The following TRAPPC10 variants were observed in gnomAD, a reference collection of about 807,000 sequenced individuals.
TRAPPC10 encodes the protein TRAPP 130 kDa subunit.
In TRAPPC10, 23 loss-of-function variants were observed where a neutral mutation model predicts 125.5. The ratio of observed to expected loss-of-function variants is 0.18; its 90% CI spans 0.13 to 0.26. TRAPPC10 has a LOEUF of 0.26. TRAPPC10 is among the 10% of genes least tolerant of loss of function. The probability of loss-of-function intolerance (pLI) is 1.00; values close to 1 mark genes in which losing one functional copy is unlikely to be tolerated. For synonymous variants in TRAPPC10, 509 were observed against 518.0 expected (o/e 0.98, Z 0.24); for missense variants, 1,123 against 1,308.4 (o/e 0.86, Z 2.19).
rs562000779 is a variant in TRAPPC10, at chr21:44,087,277, C to G, written c.2539+317C>G. The stretch of plus-strand genomic sequence containing the variant: ...GTCCCCCTTGGGCTGGCCCTGCTCC[C>G]GAGAAGCAAAAGCAGAGCAGCCCTT... On this transcript the variant is annotated intron_variant, in intron 16 of 22. Transcript: ENST00000291574. The surrounding 1 kb of genome is among the most constrained non-coding windows in gnomAD (Gnocchi z 4.6). Among the ~76,000 whole-genome samples, 1 of 152,160 alleles carries G rather than the reference C, an allele frequency of 6.6e-6. No homozygotes were observed.
intron 2 of TRAPPC10, among the ~76,000 whole-genome samples, chr21:44,034,345 C>A (rs1332409007): frequency 1.5e-4 from 21 of 141,842 alleles, no homozygotes; most frequent in Non-Finnish European, 2.3e-4. Context: ...CCCCCCCCCA[C>A]CCCCGCCGCC....
At chr21:44,017,937 C>T (rs1436933437) in intron 1 of TRAPPC10, among the ~76,000 whole-genome samples, 7 of 152,052 alleles carry the variant, frequency 4.6e-5, no homozygotes, top group Non-Finnish European at 7.4e-5. Flanking sequence ...TGCCTCTCTG[C>T]GTAGTGTGTG....
At chr21:44,022,863 G>T (rs1436894693) in intron 1 of TRAPPC10, among the ~76,000 whole-genome samples, 1 of 151,794 alleles carries the variant, frequency 6.6e-6, no homozygotes, top group Non-Finnish European at 1.5e-5. Context: ...GTCAGCTTCA[G>T]GCTGGATTTT....
intron 7 of TRAPPC10, among the ~76,000 whole-genome samples, chr21:44,073,864 T>C (rs1314736380): frequency 6.6e-6 from 1 of 152,194 alleles, no homozygotes. Flanking sequence ...TTCTTAAATG[T>C]GACCAAGCAG....
chr21:44,030,492 A>C (rs1390472947), intron 1 of TRAPPC10, among the ~76,000 whole-genome samples: 3 of 150,084 alleles, frequency 2.0e-5, no homozygotes, highest in Non-Finnish European at 4.4e-5. Flanking sequence ...TTTGAGATGG[A>C]GTTTCGCTCT....
At chr21:44,072,301 G>A (rs971809479) in intron 7 of TRAPPC10, among the ~76,000 whole-genome samples, 2 of 152,190 alleles carry the variant, frequency 1.3e-5, no homozygotes, top group South Asian at 2.1e-4. Flanking sequence ...GTCGCGGAGC[G>A]GCCCTCGTGC....
At chr21:44,068,161 T>C (rs2036591162) in intron 7 of TRAPPC10, among the ~76,000 whole-genome samples, 3 of 151,918 alleles carry the variant, frequency 2.0e-5, no homozygotes, top group South Asian at 4.2e-4. Flanking sequence ...CAGATCTTCA[T>C]TGAGCTTCTG....
intron 3 of TRAPPC10, among the ~76,000 whole-genome samples, chr21:44,043,931 C>A (rs760767720): frequency 6.6e-6 from 1 of 152,242 alleles, no homozygotes; most frequent in African/African-American, 2.4e-5. Flanking sequence ...CCAGCCTCAA[C>A]ACGCCACTGA....
At chr21:44,073,121 A>T (rs1449465083) in intron 7 of TRAPPC10, among the ~76,000 whole-genome samples, 11 of 151,448 alleles carry the variant, frequency 7.3e-5, no homozygotes, top group African/African-American at 2.7e-4. Flanking sequence ...ACCTACACTG[A>T]TTTTTTTTTC....
At chr21:44,048,195 C>T (rs535645785) in intron 3 of TRAPPC10, among the ~76,000 whole-genome samples, 383 of 152,290 alleles carry the variant, frequency 2.5e-3, no homozygotes, top group African/African-American at 8.9e-3. Flanking sequence ...GGCCCTGTGC[C>T]GGTCTACTTT....
At chr21:44,020,605 G>A (rs1470264564) in intron 1 of TRAPPC10, among the ~76,000 whole-genome samples, 1 of 151,938 alleles carries the variant, frequency 6.6e-6, no homozygotes, top group East Asian at 1.9e-4. Context: ...CTTCACTCCA[G>A]TCTGGGCGAC....
At chr21:44,089,616 T>G (rs748760890) in intron 17 of TRAPPC10, 1 of 578,790 alleles carries the variant, frequency 1.7e-6, no homozygotes, top group East Asian at 3.8e-5. Flanking sequence ...TTGCCAGTTC[T>G]GCGTTCGTTT....
chr21:44,015,937 C>T (rs2031789668), intron 1 of TRAPPC10, among the ~76,000 whole-genome samples: 1 of 152,106 alleles, frequency 6.6e-6, no homozygotes, highest in Non-Finnish European at 1.5e-5. Flanking sequence ...TAGACTTTAG[C>T]CCATAATTAA....
Position 44,064,621 on chromosome 21 carries a change from G to A in TRAPPC10, c.1038+836G>A, listed in dbSNP as rs530871210. Among the ~76,000 whole-genome samples, 91 of 152,264 alleles carry A rather than the reference G, an allele frequency of 6.0e-4. 1 individual carries two copies. The highest frequency in any genetic ancestry group is 5.5e-3 in the Admixed American group (84 of 15,294). On this transcript the variant is annotated intron_variant, in intron 7 of 22. Transcript: ENST00000291574. ...GTCTCTGATGCTGTTTTGTAAACAA[G>A]AAAACGGAGTCTGGAAGTGATTAGG...
rs8130299 is a variant in TRAPPC10, at chr21:44,047,563, T to C, written c.286-4717T>C. On this transcript the variant is annotated intron_variant, in intron 3 of 22. Transcript: ENST00000291574. ...GTGTGTGTGTGTGTGTGTGTGTGTG[T>C]GTGCGCGCACACGCTACATGAAGTT... 8.9e-3 allele frequency among the ~76,000 whole-genome samples: 1,319 copies of C among 147,964 alleles called. 13 individuals carry two copies. The highest frequency in any genetic ancestry group is 0.019 in the African/African-American group (706 of 38,128).
chr21:44,085,363 T>C (rs77435506), intron 15 of TRAPPC10, among the ~76,000 whole-genome samples: 2,446 of 152,198 alleles, frequency 0.016, 70 homozygotes, highest in African/African-American at 0.056. Flanking sequence ...CAGGGTTTCA[T>C]AAATATGTAT....
At chr21:44,089,572 G>A (rs771375600) in intron 17 of TRAPPC10, 11 of 522,148 alleles carry the variant, frequency 2.1e-5, no homozygotes, top group African/African-American at 1.5e-4. Context: ...GTGCTCTTCC[G>A]CCGTTGAGGT....
At chr21:44,060,915 T>TACATACACACACACACACACAC (rs60633801) in intron 6 of TRAPPC10, among the ~76,000 whole-genome samples, 2 of 132,188 alleles carry the variant, frequency 1.5e-5, no homozygotes, top group African/African-American at 6.1e-5. Context: ...CATACATACA[T>TACATACACACACACACACACAC]ACACACACAC....
At chr21:44,047,506 T>C (rs1189495584) in intron 3 of TRAPPC10, among the ~76,000 whole-genome samples, 1 of 143,510 alleles carries the variant, frequency 7.0e-6, no homozygotes, top group Non-Finnish European at 1.5e-5. Flanking sequence ...CAGATTGTTT[T>C]TCTGTTGCAC....
Sources: gnomAD v4.1 joint callset for allele counts (sites outside exome capture counted in the v4.1 genomes callset) on GRCh38, gnomAD v4.1.1 for gene constraint, Gnocchi (gnomAD v3.1) non-coding constraint, MANE v1.5 for transcripts, NCBI Gene and HGNC (gene_info 2026-07-23, HGNC 2026-07-21) for gene names.